The following CPNE4 variants were observed in gnomAD, a reference collection of about 807,000 sequenced individuals.
CPNE4 encodes copine 4, also known as copine-4.
CPNE4 carries 25 observed loss-of-function variants against 67.9 expected under a neutral mutation model. That is an observed-to-expected ratio of 0.37 (90% CI 0.27 to 0.51). The LOEUF (loss-of-function observed/expected upper bound fraction) is 0.51. CPNE4 is among the 20% of genes least tolerant of loss of function. The pLI is 0.93. For synonymous variants in CPNE4, 242 were observed against 244.9 expected (o/e 0.99, Z 0.11); for missense variants, 464 against 690.8 (o/e 0.67, Z 3.68).
intron 2 of CPNE4, among the ~76,000 whole-genome samples, chr3:131,808,642 T>A (rs944039252): frequency 2.0e-5 from 3 of 152,176 alleles, no homozygotes; most frequent in Admixed American, 6.5e-5. Flanking sequence ...ATCTTTAAAA[T>A]ATTTTGAATA....
chr3:131,810,323 A>T (rs758285424), intron 2 of CPNE4, among the ~76,000 whole-genome samples: 45 of 152,136 alleles, frequency 3.0e-4, no homozygotes, highest in African/African-American at 1.0e-3. Context: ...TAATATAAAA[A>T]ATATACAAGG....
chr3:131,598,947 T>A (rs1233680366), intron 7 of CPNE4, among the ~76,000 whole-genome samples: 3 of 147,006 alleles, frequency 2.0e-5, no homozygotes, highest in African/African-American at 7.6e-5. Flanking sequence ...CCATCAAAAT[T>A]AAAGGCCAAT....
At chr3:131,854,793 C>T (rs1249634954) in intron 2 of CPNE4, among the ~76,000 whole-genome samples, 2 of 151,192 alleles carry the variant, frequency 1.3e-5, no homozygotes, top group African/African-American at 4.9e-5. Context: ...TCATTACTCC[C>T]CACCCTCCTC....
At chr3:131,677,140 A>G (rs1248694723) in intron 6 of CPNE4, among the ~76,000 whole-genome samples, 1 of 150,832 alleles carries the variant, frequency 6.6e-6, no homozygotes, top group Non-Finnish European at 1.5e-5. Flanking sequence ...AATGATGTTG[A>G]GCTTTTTTTC....
In CPNE4 at chr3:131,935,164, G is replaced by A. The variant is rs1033299802; in HGVS notation, c.-1-29720C>T. Among the ~76,000 whole-genome samples the A allele has an allele frequency of 7.9e-5, 12 of 152,020 alleles. No homozygotes were observed. In the East Asian group the frequency reaches 1.9e-3, roughly 24 times the overall value. On this transcript the variant is annotated intron_variant, in intron 1 of 15. Transcript: ENST00000429747. Reference sequence around the variant, plus strand: ...CCCCCATGTGTGATTTTTTTCCAGCGGTCTTGAGCTAGCTCTTTGAATGTC... The same window carrying A: ...CCCCCATGTGTGATTTTTTTCCAGCAGTCTTGAGCTAGCTCTTTGAATGTC...
chr3:131,773,219 A>T lies in CPNE4; in HGVS notation c.181-49594T>A, dbSNP rs143128168. Among the ~76,000 whole-genome samples the T allele has an allele frequency of 4.0e-3, 604 of 152,256 alleles. 6 individuals carry two copies. The highest frequency in any genetic ancestry group is 0.014 in the African/African-American group (572 of 41,550). ...CAGCATTTTCATATTTGTAGAGAGGAATATAAGGGATTTAAGGAAAGATTT... is the reference window on the plus strand; with the variant it reads ...CAGCATTTTCATATTTGTAGAGAGGTATATAAGGGATTTAAGGAAAGATTT... On this transcript the variant is annotated intron_variant, in intron 2 of 15. Coordinates refer to ENST00000429747, the MANE Select transcript of CPNE4 (RefSeq NM_130808.3).
chr3:131,629,293 T>C lies in CPNE4; in HGVS notation c.681+40382A>G, dbSNP rs960215736. Among the ~76,000 whole-genome samples, 68 of 152,256 alleles carry C rather than the reference T, an allele frequency of 4.5e-4. 1 individual carries two copies. Among genetic ancestry groups the C allele is most frequent in the Admixed American group, 1.4e-3 (21 of 15,284 alleles). On this transcript the variant is annotated intron_variant, in intron 7 of 15. Transcript: ENST00000429747. ...TTTGGGAGGGGACGCAGCCAAACCATATCACCCTCCACCAGCAAAAAGATT... is the reference window on the plus strand; with the variant it reads ...TTTGGGAGGGGACGCAGCCAAACCACATCACCCTCCACCAGCAAAAAGATT...
intron 1 of CPNE4, among the ~76,000 whole-genome samples, chr3:131,968,339 A>G (rs1008494607): frequency 2.6e-5 from 4 of 152,206 alleles, no homozygotes; most frequent in African/African-American, 9.7e-5. Flanking sequence ...AATTACAACA[A>G]AGGCCAAAAT....
At chr3:131,888,265 A>C (rs533417734) in intron 2 of CPNE4, among the ~76,000 whole-genome samples, 61 of 152,330 alleles carry the variant, frequency 4.0e-4, no homozygotes, top group African/African-American at 1.4e-3. Flanking sequence ...ATGCTCCCCA[A>C]TTACAAATCC....
intron 3 of CPNE4, among the ~76,000 whole-genome samples, chr3:131,719,578 C>G (rs1008200395): frequency 6.6e-6 from 1 of 152,186 alleles, no homozygotes; most frequent in African/African-American, 2.4e-5. Context: ...TTTAGTTCCT[C>G]ATATGTGCTA....
At chr3:131,828,887 T>A (rs1024548606) in intron 2 of CPNE4, among the ~76,000 whole-genome samples, 1 of 152,194 alleles carries the variant, frequency 6.6e-6, no homozygotes. Flanking sequence ...AGACAGGTAC[T>A]ATTTGAGAGA....
chr3:131,970,779 T>A (rs1024476695), intron 1 of CPNE4, among the ~76,000 whole-genome samples: 2 of 152,164 alleles, frequency 1.3e-5, no homozygotes, highest in African/African-American at 4.8e-5. Flanking sequence ...ATTGTGAATA[T>A]ATGTATGTGT....
chr3:131,660,009 T>G (rs1225996823), intron 7 of CPNE4, among the ~76,000 whole-genome samples: 3 of 152,208 alleles, frequency 2.0e-5, no homozygotes, highest in African/African-American at 7.2e-5. Flanking sequence ...TTGCCATTTA[T>G]TTTTAAATTT....
chr3:131,833,145 C>T (rs963922410), intron 2 of CPNE4, among the ~76,000 whole-genome samples: 1 of 152,140 alleles, frequency 6.6e-6, no homozygotes, highest in African/African-American at 2.4e-5. Flanking sequence ...TCTGCTGACA[C>T]CTTGACCTTA....
chr3:131,978,846 C>T (rs902357088), intron 1 of CPNE4, among the ~76,000 whole-genome samples: 1 of 151,678 alleles, frequency 6.6e-6, no homozygotes, highest in Non-Finnish European at 1.5e-5. Context: ...GAACTTTCCT[C>T]TTAGCACTGC....
At chr3:131,777,460 A>G (rs2083318464) in intron 2 of CPNE4, among the ~76,000 whole-genome samples, 1 of 151,670 alleles carries the variant, frequency 6.6e-6, no homozygotes, top group Admixed American at 6.6e-5. Context: ...TGTGGGGAGG[A>G]ATGGCTAAAG....
intron 6 of CPNE4, among the ~76,000 whole-genome samples, chr3:131,676,134 C>A (rs1376696454): frequency 2.0e-5 from 3 of 151,310 alleles, no homozygotes; most frequent in African/African-American, 7.3e-5. Context: ...TAGCTCACTG[C>A]AACCTCCACC....
At chr3:131,709,066 TC>T (rs1193851638) in intron 3 of CPNE4, among the ~76,000 whole-genome samples, 1 of 147,814 alleles carries the variant, frequency 6.8e-6, no homozygotes, top group Non-Finnish European at 1.5e-5. Context: ...AGCCTTAATG[TC>T]CACGGTAAGT....
chr3:131,963,759 C>T (rs531530105), intron 1 of CPNE4, among the ~76,000 whole-genome samples: 1 of 152,300 alleles, frequency 6.6e-6, no homozygotes, highest in South Asian at 2.1e-4. Flanking sequence ...ATAAAACTCC[C>T]ATCTCCCTGG....
Sources: gnomAD v4.1 joint callset for allele counts (sites outside exome capture counted in the v4.1 genomes callset) on GRCh38, gnomAD v4.1.1 for gene constraint, MANE v1.5 for transcripts, NCBI Gene and HGNC (gene_info 2026-07-23, HGNC 2026-07-21) for gene names.